Variants in NTF3 observed in about 807,000 individuals in gnomAD.
NTF3 encodes neurotrophin-3.
In NTF3, 8 loss-of-function variants were observed where a neutral mutation model predicts 26.3. That is an observed-to-expected ratio of 0.30 (90% CI 0.18 to 0.55). The LOEUF (loss-of-function observed/expected upper bound fraction) is 0.55, where lower values mean the gene tolerates loss of function less well. NTF3 is among the 20% of genes least tolerant of loss of function. The pLI, the probability that NTF3 is intolerant of heterozygous loss-of-function variation, is 0.93. For synonymous variants in NTF3, 154 were observed against 145.5 expected, an observed-to-expected ratio of 1.06 and a Z score of -0.42; for missense variants, 276 against 352.9, an observed-to-expected ratio of 0.78 and a Z score of 1.75.
At chr12:5,454,728 A>G (rs146813615) in intron 1 of NTF3, among the ~76,000 whole-genome samples, 22 of 152,338 alleles carry the variant, frequency 1.4e-4, no homozygotes, top group African/African-American at 5.1e-4. Flanking sequence ...TGCTCTTCCA[A>G]CAATTTGGGA....
chr12:5,486,508 C>T (rs11063709), intron 1 of NTF3, among the ~76,000 whole-genome samples: 4,111 of 152,186 alleles, frequency 0.027, 111 homozygotes, highest in African/African-American at 0.076. Flanking sequence ...CTCAGCAGCC[C>T]CTACCTTGTA....
At chr12:5,493,194 G>A (rs780204983) in intron 1 of NTF3, among the ~76,000 whole-genome samples, 32 of 152,222 alleles carry the variant, frequency 2.1e-4, no homozygotes, top group Non-Finnish European at 3.5e-4. Context: ...AAGGTGTCTT[G>A]AGATCAGCAC....
chr12:5,461,395 A>AT (rs979290873), intron 1 of NTF3, among the ~76,000 whole-genome samples: 47 of 151,930 alleles, frequency 3.1e-4, no homozygotes, highest in Non-Finnish European at 5.3e-4. Flanking sequence ...TGAAGAAGAG[A>AT]TTTTTTCCCT....
At chr12:5,478,579 A>C (rs2121227191) in intron 1 of NTF3, among the ~76,000 whole-genome samples, 1 of 152,376 alleles carries the variant, frequency 6.6e-6, no homozygotes, top group Non-Finnish European at 1.5e-5. Context: ...GGCAGCATTT[A>C]GCCTTTTCAA....
intron 1 of NTF3, among the ~76,000 whole-genome samples, chr12:5,479,812 T>C (rs1022739726): frequency 2.0e-5 from 3 of 152,206 alleles, no homozygotes; most frequent in Admixed American, 2.0e-4. Flanking sequence ...CTCAGCCATA[T>C]ATGTTCCAGA....
chr12:5,449,748 G>C (rs900362637), intron 1 of NTF3, among the ~76,000 whole-genome samples: 1 of 152,166 alleles, frequency 6.6e-6, no homozygotes, highest in African/African-American at 2.4e-5. Flanking sequence ...GTAAGCTACT[G>C]GTTTGTGAAA....
At chr12:5,459,048 A>T (rs923143048) in intron 1 of NTF3, among the ~76,000 whole-genome samples, 1 of 152,164 alleles carries the variant, frequency 6.6e-6, no homozygotes, top group South Asian at 2.1e-4. Flanking sequence ...GACTGTAACA[A>T]CGAAGCCTGG....
At chr12:5,446,835 T>G (rs143353718) in intron 1 of NTF3, among the ~76,000 whole-genome samples, 1 of 152,344 alleles carries the variant, frequency 6.6e-6, no homozygotes, top group East Asian at 1.9e-4. Context: ...CTTGGGATTC[T>G]CCAGACTGCT....
At chr12:5,442,286 G>A (rs4766368) in intron 1 of NTF3, among the ~76,000 whole-genome samples, 146,129 of 152,280 alleles carry the variant, frequency 0.96, 70,354 homozygotes, top group East Asian at 1. Flanking sequence ...AATGGTCTCC[G>A]CTTCCACATG....
intron 1 of NTF3, among the ~76,000 whole-genome samples, chr12:5,483,380 A>G (rs760211469): frequency 9.9e-5 from 15 of 152,164 alleles, no homozygotes; most frequent in Admixed American, 7.2e-4. Context: ...CGTGTTCTTC[A>G]GGGTTCCAGC....
rs996190612 is a variant in NTF3, at chr12:5,456,017, T to C, written c.18+23675T>C. Reference sequence around the variant, plus strand: ...GGGCCACTAGAGAAAAAGGAGGGCATGTTTGGGGCAGGAGAGGCAAATGTT... The same window carrying C: ...GGGCCACTAGAGAAAAAGGAGGGCACGTTTGGGGCAGGAGAGGCAAATGTT... On this transcript the variant is annotated intron_variant, in intron 1 of 1. Coordinates refer to ENST00000423158, the MANE Select transcript of NTF3 (RefSeq NM_001102654.2). The surrounding 1 kb of genome is among the most constrained non-coding windows in gnomAD (Gnocchi z 4.4). Among the ~76,000 whole-genome samples, 1 of 152,064 alleles carries C rather than the reference T, an allele frequency of 6.6e-6. No individual in the cohort carries two copies. The highest frequency in any genetic ancestry group is 1.5e-5 in the Non-Finnish European group (1 of 67,992).
At chr12:5,434,235 G>T in intron 1 of NTF3, among the ~76,000 whole-genome samples, 1 of 152,220 alleles carries the variant, frequency 6.6e-6, no homozygotes, top group East Asian at 1.9e-4. Context: ...CTTAGGTATC[G>T]TGTTAGGAGG....
chr12:5,473,234 C>A (rs1190685793), intron 1 of NTF3, among the ~76,000 whole-genome samples: 1 of 152,196 alleles, frequency 6.6e-6, no homozygotes. Flanking sequence ...GAAGTACATT[C>A]TTTCCACTCC....
At chr12:5,452,156 C>T (rs376722528) in intron 1 of NTF3, among the ~76,000 whole-genome samples, 9 of 148,630 alleles carry the variant, frequency 6.1e-5, no homozygotes, top group African/African-American at 1.8e-4. Context: ...AAGGCAGTGG[C>T]GCAATCTCAG....
chr12:5,435,938 A>G (rs924859338), intron 1 of NTF3, among the ~76,000 whole-genome samples: 1 of 152,146 alleles, frequency 6.6e-6, no homozygotes, highest in Non-Finnish European at 1.5e-5. Context: ...AGGGGGTGCC[A>G]GTATGTGTTT....
At chr12:5,472,274 C>T (rs1179912722) in intron 1 of NTF3, among the ~76,000 whole-genome samples, 2 of 152,068 alleles carry the variant, frequency 1.3e-5, no homozygotes, top group Non-Finnish European at 2.9e-5. Flanking sequence ...GCAGCTCGTG[C>T]GCATGAGCAT....
At position 5,433,033 on chromosome 12, in the gene NTF3, A is replaced by C. The variant is rs1940117288; in HGVS notation, c.18+691A>C. Reference sequence around the variant, plus strand: ...TCGCGTTCCAGTTTTGGGAGTTGGGACTCACTGCCACGCGCCGCGTACCTG... The same window carrying C: ...TCGCGTTCCAGTTTTGGGAGTTGGGCCTCACTGCCACGCGCCGCGTACCTG... On this transcript the variant is annotated intron_variant, in intron 1 of 1. Coordinates refer to ENST00000423158, the MANE Select transcript of NTF3 (RefSeq NM_001102654.2). This position sits in a 1 kb window ranked among gnomAD's most constrained non-coding sequence, Gnocchi z 4.6. 1 of 152,022 alleles carries C rather than the reference A, an allele frequency of 6.6e-6. No homozygotes were observed. Among genetic ancestry groups the C allele is most frequent in the South Asian group, 2.1e-4 (1 of 4,824 alleles). 9.4% of individuals were successfully genotyped at this position (152,022 alleles called of 1,614,324 possible). A position where few individuals can be genotyped will look rare whatever the true frequency, so the allele number is the denominator to read the frequency against.
chr12:5,453,079 T>C (rs879868720), intron 1 of NTF3, among the ~76,000 whole-genome samples: 19 of 152,218 alleles, frequency 1.2e-4, no homozygotes, highest in Non-Finnish European at 2.5e-4. Context: ...TGTAACTGCC[T>C]TATGGCATTA....
intron 1 of NTF3, among the ~76,000 whole-genome samples, chr12:5,488,098 C>T (rs753478775): frequency 6.6e-6 from 1 of 152,122 alleles, no homozygotes; most frequent in Non-Finnish European, 1.5e-5. Flanking sequence ...CCGTGGAAAC[C>T]CACACAGCTT....
Sources: allele counts gnomAD v4.1 joint callset (sites outside exome capture counted in the v4.1 genomes callset), GRCh38; gene constraint gnomAD v4.1.1; non-coding constraint Gnocchi (gnomAD v3.1); transcripts MANE v1.5; gene names NCBI Gene and HGNC (gene_info 2026-07-23, HGNC 2026-07-21).